Variants in ZYG11B observed in about 807,000 individuals in gnomAD.
ZYG11B encodes zyg-11 family member B, cell cycle regulator, also known as protein zyg-11 homolog B.
Under a neutral mutation model 82.4 loss-of-function variants are expected in ZYG11B, and 36 were observed. The ratio of observed to expected loss-of-function variants is 0.44; its 90% CI spans 0.33 to 0.58. ZYG11B has a LOEUF of 0.58. Among genes scored for constraint, ZYG11B ranks in the 20% least tolerant of loss-of-function variants. The pLI, the probability that ZYG11B is intolerant of heterozygous loss-of-function variation, is 0.02. For missense variants in ZYG11B, 552 were observed against 895.6 expected (o/e 0.62, Z 4.90); for synonymous variants, 303 against 312.8 (o/e 0.97, Z 0.33).
intron 2 of ZYG11B, among the ~76,000 whole-genome samples, chr1:52,758,124 A>G (rs563322751): frequency 2.0e-5 from 3 of 149,726 alleles, no homozygotes; most frequent in East Asian, 4.0e-4. Flanking sequence ...GCTTGAATCC[A>G]GGAGGCGGAG....
chr1:52,764,971 A>T (rs573734407), intron 2 of ZYG11B, among the ~76,000 whole-genome samples: 1 of 152,134 alleles, frequency 6.6e-6, no homozygotes, highest in South Asian at 2.1e-4. Context: ...TCTACCATTT[A>T]TCTTAGGAAG....
chr1:52,783,999 G>T (rs28522416), intron 4 of ZYG11B, among the ~76,000 whole-genome samples: 2,962 of 86,772 alleles, frequency 0.034, 71 homozygotes, highest in African/African-American at 0.12. Flanking sequence ...TATATATATA[G>T]AGAGAGAGAG....
At chr1:52,757,923 C>T (rs1222053192) in intron 2 of ZYG11B, among the ~76,000 whole-genome samples, 4 of 151,578 alleles carry the variant, frequency 2.6e-5, no homozygotes, top group South Asian at 2.1e-4. Flanking sequence ...ATATCTTGGC[C>T]GGGCGCAGTG....
At position 52,813,686 on chromosome 1, in the gene ZYG11B, G is replaced by A. The variant is rs1645201764; in HGVS notation, c.1846G>A (p.Ala616Thr). The change falls in exon 11 of 14, where the codon GCT (alanine) becomes ACT (threonine). Residue 616 changes from alanine to threonine, a missense_variant. By Grantham distance (58) the Ala-to-Thr change is moderately conservative. Coordinates refer to ENST00000294353, the MANE Select transcript of ZYG11B (RefSeq NM_024646.3). ...IAHLISRGEQ[A>T]WTLSRSQRNS... Reference sequence around the variant, plus strand: ...CCATTTAATATCCAGAGGTGAACAAGCTTGGACATTGAGTCGTAGCCAGAG... The same window carrying A: ...CCATTTAATATCCAGAGGTGAACAAACTTGGACATTGAGTCGTAGCCAGAG... 6 of 1,614,122 alleles carry A rather than the reference G, an allele frequency of 3.7e-6. No individual in the cohort carries two copies. The highest frequency in any genetic ancestry group is 5.1e-6 in the Non-Finnish European group (6 of 1,180,028).
At chr1:52,775,671 A>G (rs980985177) in intron 3 of ZYG11B, among the ~76,000 whole-genome samples, 1 of 146,542 alleles carries the variant, frequency 6.8e-6, no homozygotes, top group Non-Finnish European at 1.5e-5. Context: ...AGCCTGGGCG[A>G]TAGAGTGGGT....
At chr1:52,777,803 A>G (rs569919188) in intron 3 of ZYG11B, among the ~76,000 whole-genome samples, 50 of 152,264 alleles carry the variant, frequency 3.3e-4, no homozygotes, top group Non-Finnish European at 6.3e-4. Flanking sequence ...ATATTTGATT[A>G]CTTTTGTGTC....
chr1:52,739,179 G>A (rs977807263), intron 1 of ZYG11B, among the ~76,000 whole-genome samples: 2 of 151,154 alleles, frequency 1.3e-5, no homozygotes, highest in South Asian at 2.1e-4. Context: ...TAGAGACAGA[G>A]TTTCACCATG....
chr1:52,744,231 C>G (rs935782106), intron 1 of ZYG11B, among the ~76,000 whole-genome samples: 2 of 152,168 alleles, frequency 1.3e-5, no homozygotes, highest in African/African-American at 4.8e-5. Context: ...GCCACTGCAT[C>G]CAGCCTTTTT....
chr1:52,784,851 T>C, intron 4 of ZYG11B, 26 bp from the exon 5 acceptor site: 4 of 1,609,984 alleles, frequency 2.5e-6, no homozygotes, highest in Non-Finnish European at 3.4e-6. Context: ...TAAGGTGAAT[T>C]AAGAGGACTA....
rs1645286063 is a variant in ZYG11B at position 52,821,746 on chromosome 1, T to C, written c.*117T>C. On this transcript the variant is annotated 3_prime_UTR_variant, in exon 14 of 14. Transcript: ENST00000294353. ...TCTATGACAAGAGTCATAAAATCAG[T>C]TTGGGATTGATAATGTGTAGTACTG... 2.0e-6 allele frequency: 2 copies of C among 985,318 alleles called. No individual in the cohort carries two copies. The highest frequency in any genetic ancestry group is 3.3e-5 in the African/African-American group (2 of 61,196). The allele number at this position is 985,318 out of a possible 1,614,324, so 61.0% of individuals were successfully genotyped here.
chr1:52,771,319 G>A lies in ZYG11B; in HGVS notation c.496G>A (p.Ala166Thr), dbSNP rs777856309. Residue 166 changes from alanine (A) to threonine (T), a missense_variant, in exon 3 of 14, where the codon GCT becomes ACT. Ala to Thr is a moderately conservative substitution (Grantham distance 58). Coordinates refer to ENST00000294353, the MANE Select transcript of ZYG11B (RefSeq NM_024646.3). The surrounding 1 kb of genome is among the most constrained non-coding windows in gnomAD (Gnocchi z 5.4). ...CTTCAGCCGGCTTTCTGGCCTTCGA[G>A]CTTTAAGCATCACGAATGTTCTCTT... is the stretch of plus-strand genomic sequence containing the variant. Reference protein sequence around the residue: ...RCFSRLSGLRALSITNVLFYN... With the variant: ...RCFSRLSGLRTLSITNVLFYN... The A allele has an allele frequency of 6.2e-7, 1 of 1,614,210 alleles. No homozygotes were observed. The highest frequency in any genetic ancestry group is 1.7e-5 in the Admixed American group (1 of 60,022).
intron 1 of ZYG11B, among the ~76,000 whole-genome samples, chr1:52,751,530 T>C (rs1571750153): frequency 6.6e-6 from 1 of 152,114 alleles, no homozygotes; most frequent in Non-Finnish European, 1.5e-5. Flanking sequence ...TTCTGGAGAC[T>C]GAGGCAGGAG....
chr1:52,735,981 G>C (rs1644375817), intron 1 of ZYG11B, among the ~76,000 whole-genome samples: 1 of 152,150 alleles, frequency 6.6e-6, no homozygotes, highest in Admixed American at 6.6e-5. Context: ...ATGATACTCT[G>C]TTAAGTCTAA....
intron 10 of ZYG11B, among the ~76,000 whole-genome samples, chr1:52,802,340 CTTTTTTTTTTTTTTT>C (rs397980205): frequency 1.3e-5 from 1 of 78,072 alleles, no homozygotes; most frequent in Non-Finnish European, 2.3e-5. Context: ...TTCTTTCTCT[CTTTTTTTTTTTTTTT>C]TTTTTTTTTT....
rs545899039 is a variant in ZYG11B at position 52,776,868 on chromosome 1, G to A, written c.952-2985G>A. On this transcript the variant is annotated intron_variant, in intron 3 of 13. Coordinates refer to ENST00000294353, the MANE Select transcript of ZYG11B (RefSeq NM_024646.3). ...GAATATGTAGTCCAAACCAGTTTGT[G>A]TATGTATGTTATACATAAATAGAAA... Among the ~76,000 whole-genome samples, 3 of 152,230 alleles carry A rather than the reference G, an allele frequency of 2.0e-5. No homozygotes were observed. In the East Asian group the frequency reaches 5.8e-4, roughly 29 times the overall value.
chr1:52,808,318 C>T (rs1001229118), intron 10 of ZYG11B, among the ~76,000 whole-genome samples: 2 of 152,058 alleles, frequency 1.3e-5, no homozygotes, highest in African/African-American at 4.8e-5. Flanking sequence ...GAGCCGAGAT[C>T]ACGCCATTGC....
rs1558140552 is a variant in ZYG11B, at chr1:52,803,231, TATATATATACACACACAC to T, written c.1695+1102_1695+1119del. Among the ~76,000 whole-genome samples, 328 of 65,462 alleles carry T rather than the reference TATATATATACACACACAC, an allele frequency of 5.0e-3. 29 individuals are homozygous for T. Among genetic ancestry groups the T allele is most frequent in the Middle Eastern group, 0.032 (5 of 154 alleles). The allele number at this position is 65,462 out of a possible 152,430, so 42.9% of individuals were successfully genotyped here. Reference sequence around the variant, plus strand: ...ACACACATATATATATATACACACATATATATATACACACACACATATATATATATATATACACACACA... The same window carrying T: ...ACACACATATATATATATACACACATATATATATATATATATACACACACA... On this transcript the variant is annotated intron_variant, in intron 10 of 13. Coordinates refer to ENST00000294353, the MANE Select transcript of ZYG11B (RefSeq NM_024646.3).
chr1:52,796,946 GTATAATTATATATTATATATAATA>G (rs1558137249), intron 8 of ZYG11B, among the ~76,000 whole-genome samples, 162 bp downstream of exon 8: 1 of 76,768 alleles, frequency 1.3e-5, no homozygotes, highest in Non-Finnish European at 2.2e-5. Context: ...TATATATAAT[GTATAATTATATATTATATATAATA>G]TATATAAATA....
chr1:52,804,346 C>T (rs1389538254), intron 10 of ZYG11B, among the ~76,000 whole-genome samples: 1 of 152,188 alleles, frequency 6.6e-6, no homozygotes, highest in Non-Finnish European at 1.5e-5. Flanking sequence ...AGTATAGTGG[C>T]TCAAGCCTGT....
Sources: allele counts gnomAD v4.1 joint callset (sites outside exome capture counted in the v4.1 genomes callset), GRCh38; gene constraint gnomAD v4.1.1; non-coding constraint Gnocchi (gnomAD v3.1); transcripts MANE v1.5; gene names NCBI Gene and HGNC (gene_info 2026-07-23, HGNC 2026-07-21).